TPTE: variants seen among roughly 807,000 people sequenced by gnomAD.
TPTE encodes the protein putative tyrosine-protein phosphatase TPTE.
Under a neutral mutation model 84.1 loss-of-function variants are expected in TPTE, and 59 were observed. That is an observed-to-expected ratio of 0.70 (90% confidence interval 0.57 to 0.87). The LOEUF (loss-of-function observed/expected upper bound fraction) is 0.87, where lower values mean the gene tolerates loss of function less well. Ranked by LOEUF, TPTE falls within the 40% of genes least tolerant of loss-of-function variation. TPTE has a pLI of 0.00. For missense variants in TPTE, 382 were observed against 659.6 expected (o/e 0.58, Z 4.61); for synonymous variants, 130 against 223.5 (o/e 0.58, Z 3.73).
At chr21:10,602,012 T>C (rs752733169) in intron 21 of TPTE, 46 bp from the exon 22 acceptor site, 5 of 1,585,886 alleles carry the variant, frequency 3.2e-6, no homozygotes, top group South Asian at 2.2e-5. Context: ...TTCATTGTTA[T>C]CATTATCTAG....
intron 10 of TPTE, among the ~76,000 whole-genome samples, chr21:10,561,924 TG>T (rs1264991409): frequency 3.3e-5 from 5 of 152,306 alleles, no homozygotes; most frequent in African/African-American, 1.2e-4. Flanking sequence ...CAGCAGGTCT[TG>T]GGCAAGACCC....
At chr21:10,583,699 C>T (rs1056548957) in intron 17 of TPTE, among the ~76,000 whole-genome samples, 1 of 152,312 alleles carries the variant, frequency 6.6e-6, no homozygotes, top group African/African-American at 2.4e-5. Flanking sequence ...CGAGAAGGTT[C>T]ATTCCTTTTA....
chr21:10,593,638 A>G (rs1343578361), intron 19 of TPTE, among the ~76,000 whole-genome samples: 1 of 152,310 alleles, frequency 6.6e-6, no homozygotes, highest in Non-Finnish European at 1.5e-5. Context: ...AGGCACTACT[A>G]TGATTCTCAT....
intron 11 of TPTE, among the ~76,000 whole-genome samples, 192 bp from the exon 12 acceptor site, chr21:10,569,245 C>T (rs2074989857): frequency 6.6e-6 from 1 of 152,266 alleles, no homozygotes; most frequent in Non-Finnish European, 1.5e-5. Context: ...AACACACAGA[C>T]ACACACACAC....
chr21:10,554,516 A>C (rs1191207510), intron 8 of TPTE, among the ~76,000 whole-genome samples: 3 of 152,312 alleles, frequency 2.0e-5, no homozygotes, highest in Non-Finnish European at 4.4e-5. Context: ...ATGTTCTTTG[A>C]CACACCTTCA....
chr21:10,580,572 T>C (rs1359548045), intron 17 of TPTE, among the ~76,000 whole-genome samples: 1 of 152,312 alleles, frequency 6.6e-6, no homozygotes, highest in African/African-American at 2.4e-5. Context: ...CAAGTGGATA[T>C]TCAGTTTCCC....
rs373826387 is a variant in TPTE at position 10,588,580 on chromosome 21, G to T, written c.1028-1882G>T. 5.8e-4 allele frequency among the ~76,000 whole-genome samples: 89 copies of T among 152,288 alleles called. No homozygotes were observed. The South Asian group carries it at 0.018, about 31-fold the overall frequency. ...CTAGCAAGATTCAAGAAATTTTCTC[G>T]AATTATTCCATCAAATATGTTTTCC... On this transcript the variant is annotated intron_variant, in intron 17 of 23. Transcript: ENST00000618007.
intron 6 of TPTE, 143 bp downstream of exon 6, chr21:10,542,591 TCATCCATCCATCCATTCATCCATC>T (rs1568960543): frequency 1.1e-5 from 12 of 1,127,936 alleles, no homozygotes; most frequent in Non-Finnish European, 1.5e-5. Context: ...ATCCATCCAT[TCATCCATCCATCCATTCATCCATC>T]CATCCACACG....
intron 21 of TPTE, among the ~76,000 whole-genome samples, chr21:10,600,495 A>G (rs1234528643): frequency 6.6e-6 from 1 of 152,308 alleles, no homozygotes; most frequent in Admixed American, 6.5e-5. Context: ...CATTTGGACT[A>G]GATTCTGTTT....
At chr21:10,562,092 T>C (rs1053480230) in intron 10 of TPTE, among the ~76,000 whole-genome samples, 3 of 152,428 alleles carry the variant, frequency 2.0e-5, no homozygotes, top group African/African-American at 7.2e-5. Context: ...AAGAGTCTCT[T>C]TTTGGTAATG....
intron 10 of TPTE, among the ~76,000 whole-genome samples, chr21:10,564,984 C>T (rs1260595768): frequency 5.3e-5 from 8 of 152,296 alleles, no homozygotes; most frequent in Non-Finnish European, 7.3e-5. Context: ...CAACATAGTA[C>T]CGGAAGTCCT....
chr21:10,579,740 C>T (rs2075238058), intron 17 of TPTE, among the ~76,000 whole-genome samples: 1 of 152,260 alleles, frequency 6.6e-6, no homozygotes, highest in Non-Finnish European at 1.5e-5. Context: ...AATAGTATGC[C>T]TTTAATTATA....
chr21:10,596,373 G>A (rs77919661), intron 20 of TPTE, among the ~76,000 whole-genome samples: 5 of 152,284 alleles, frequency 3.3e-5, no homozygotes, highest in Admixed American at 6.5e-5. Flanking sequence ...CAACCCAGGC[G>A]GACTTTTCCG....
At chr21:10,600,258 G>A in intron 21 of TPTE, among the ~76,000 whole-genome samples, 1 of 152,130 alleles carries the variant, frequency 6.6e-6, no homozygotes, top group Non-Finnish European at 1.5e-5. Flanking sequence ...TCCTGCCTCA[G>A]CCTCCCAAGT....
intron 8 of TPTE, among the ~76,000 whole-genome samples, chr21:10,557,774 C>T (rs1450232799): frequency 6.6e-6 from 1 of 152,284 alleles, no homozygotes; most frequent in African/African-American, 2.4e-5. Flanking sequence ...TTTGGTGGTA[C>T]ACGTGAGGTT....
chr21:10,538,031 A>G (rs2074299433), intron 3 of TPTE, among the ~76,000 whole-genome samples: 1 of 152,310 alleles, frequency 6.6e-6, no homozygotes. Context: ...AAAAATAAAA[A>G]CTAATTTTCA....
chr21:10,564,191 C>T (rs1183451853), intron 10 of TPTE, among the ~76,000 whole-genome samples: 1 of 152,288 alleles, frequency 6.6e-6, no homozygotes, highest in Non-Finnish European at 1.5e-5. Flanking sequence ...GCTCTGTTGC[C>T]TACAGGAAAC....
In TPTE at chr21:10,605,424, C is replaced by G; in HGVS notation, c.1528C>G (p.Leu510Val). ...ATTTTTTTCTATTCTTAGGCTTTAT[C>G]TACCAAAAAATGAATTGGATAATCT... The part of the protein sequence containing the change: ...TSFIENNRLY[L>V]PKNELDNLHK... Residue 510 changes from leucine to valine, a missense_variant, in exon 24 of 24, where the codon CTA becomes GTA. By Grantham distance (32) the Leu-to-Val change is conservative (BLOSUM62 1). Around this residue, in one of 10 missense-constraint regions of TPTE, gnomAD observed 120 missense variants for 79.1 expected, o/e 1.52. Transcript: ENST00000618007. 6.2e-7 allele frequency: 1 copy of G among 1,613,938 alleles called. No homozygotes were observed. The highest frequency in any genetic ancestry group is 1.1e-5 in the South Asian group (1 of 91,014).
intron 17 of TPTE, among the ~76,000 whole-genome samples, chr21:10,583,303 G>T (rs111686883): frequency 1.3e-5 from 2 of 152,304 alleles, no homozygotes; most frequent in Admixed American, 1.3e-4. Context: ...TCTTATGGTG[G>T]TGATCATTTG....
Sources: allele counts gnomAD v4.1 joint callset (sites outside exome capture counted in the v4.1 genomes callset), GRCh38; gene constraint gnomAD v4.1.1; regional missense constraint gnomAD v4.1.1; transcripts MANE v1.5; gene names NCBI Gene and HGNC (gene_info 2026-07-23, HGNC 2026-07-21).